The following ARHGEF10L variants were observed in gnomAD, a reference collection of about 807,000 sequenced individuals.
The protein encoded by ARHGEF10L is Rho guanine nucleotide exchange factor 10 like, also known as rho guanine nucleotide exchange factor 10-like protein.
ARHGEF10L carries 69 observed loss-of-function variants against 141.2 expected under a neutral mutation model. The observed-to-expected ratio is 0.49, with a 90% CI of 0.40 to 0.60. The LOEUF (loss-of-function observed/expected upper bound fraction) is 0.60. ARHGEF10L is among the 20% of genes least tolerant of loss of function. ARHGEF10L has a pLI of 0.00. For synonymous variants in ARHGEF10L, 711 were observed against 718.5 expected, an observed-to-expected ratio of 0.99 and a Z score of 0.17; for missense variants, 1,482 against 1,734.3, an observed-to-expected ratio of 0.85 and a Z score of 2.58.
chr1:17,622,058 G>A (rs1351750556), intron 11 of ARHGEF10L, 117 bp downstream of exon 11: 5 of 977,372 alleles, frequency 5.1e-6, no homozygotes, highest in African/African-American at 1.6e-5. Context: ...AGGACCATAA[G>A]CCAGCACTGC....
rs1321500818 is a variant in ARHGEF10L, at chr1:17,558,919, G to A, written c.-44+18969G>A. Among the ~76,000 whole-genome samples, 2 of 152,182 alleles carry A rather than the reference G, an allele frequency of 1.3e-5. No homozygotes were observed. Among genetic ancestry groups the A allele is most frequent in the African/African-American group, 4.8e-5 (2 of 41,436 alleles). On this transcript the variant is annotated intron_variant, in intron 1 of 28. Coordinates refer to ENST00000361221, the MANE Select transcript of ARHGEF10L (RefSeq NM_018125.4). The surrounding 1 kb of genome is among the most constrained non-coding windows in gnomAD (Gnocchi z 4.2). ...TGAGGGGCCCTTCCCCAGCTTCCTC[G>A]GCTTTCAGCTCTTTTCTTGTGTAGA... is the stretch of plus-strand genomic sequence containing the variant.
In ARHGEF10L at chr1:17,697,152, C is replaced by T. The variant is rs760004240; in HGVS notation, c.3612C>T (p.Ser1204=). The T allele has an allele frequency of 9.3e-6, 15 of 1,611,762 alleles. No individual in the cohort carries two copies. Among genetic ancestry groups the T allele is most frequent in the African/African-American group, 5.3e-5 (4 of 74,930 alleles). ...APADGAALEH[S]EEDGSIYEMA... is the part of the protein sequence containing the mutation. ...CTGATGGCGCAGCTTTGGAGCACAG[C>T]GAGGAGGACGGCTCCATTTACGAGA... is the stretch of plus-strand genomic sequence containing the variant. The change falls in exon 29 of 29, where the codon AGC becomes AGT. Residue 1204 remains serine, a synonymous_variant. Transcript: ENST00000361221. The surrounding 1 kb of genome is among the most constrained non-coding windows in gnomAD (Gnocchi z 4.8).
intron 4 of ARHGEF10L, among the ~76,000 whole-genome samples, chr1:17,593,712 T>C (rs1051160709): frequency 6.6e-5 from 10 of 152,096 alleles, no homozygotes; most frequent in Non-Finnish European, 1.3e-4. Context: ...AACCCCTTGA[T>C]GGCCTTCTGA....
intron 1 of ARHGEF10L, among the ~76,000 whole-genome samples, chr1:17,566,808 C>T (rs2077774732): frequency 6.6e-6 from 1 of 152,192 alleles, no homozygotes; most frequent in Non-Finnish European, 1.5e-5. Flanking sequence ...TCAGCAAACC[C>T]CATAACCTCG....
intron 26 of ARHGEF10L, among the ~76,000 whole-genome samples, chr1:17,671,871 C>T (rs979552143): frequency 2.7e-4 from 41 of 152,228 alleles, no homozygotes; most frequent in African/African-American, 8.2e-4. Flanking sequence ...CCAGGCCTGA[C>T]GCAGAGCAGG....
intron 26 of ARHGEF10L, among the ~76,000 whole-genome samples, chr1:17,670,092 C>T (rs770906368): frequency 1.3e-5 from 2 of 152,238 alleles, no homozygotes; most frequent in Admixed American, 6.5e-5. Context: ...AAGAAAGCAC[C>T]GCGAGCCACG....
rs765712620 is a variant in ARHGEF10L, at chr1:17,603,490, T to C, written c.350-18T>C. The C allele has an allele frequency of 6.2e-7, 1 of 1,609,860 alleles. No individual in the cohort carries two copies. The highest frequency in any genetic ancestry group is 1.1e-5 in the South Asian group (1 of 90,122). On this transcript the variant is annotated intron_variant, in intron 5 of 28. Transcript: ENST00000361221. This position sits in a 1 kb window ranked among gnomAD's most constrained non-coding sequence, Gnocchi z 4.8. ...CCACAGCCCACGGTGGTGCTCTCTC[T>C]CCCCACTTCCCTCCCAGTTGACCGG...
In ARHGEF10L at chr1:17,588,438, T is replaced by C. The variant is rs2079218105; in HGVS notation, c.224-8T>C. On this transcript the variant is annotated splice_region_variant and splice_polypyrimidine_tract_variant and intron_variant, in intron 3 of 28. Coordinates refer to ENST00000361221, the MANE Select transcript of ARHGEF10L (RefSeq NM_018125.4). ...CTGACAGGCTCTCTGTCTGCTCTTC[T>C]TTTGCAGACCCAGACCCAGCAGCTG... 2 of 1,613,792 alleles carry C rather than the reference T, an allele frequency of 1.2e-6. No homozygotes were observed. Among genetic ancestry groups the C allele is most frequent in the South Asian group, 1.1e-5 (1 of 91,064 alleles).
At chr1:17,660,036 T>C (rs1323086592) in intron 25 of ARHGEF10L, among the ~76,000 whole-genome samples, 1 of 152,236 alleles carries the variant, frequency 6.6e-6, no homozygotes. Flanking sequence ...CTGCTTGTTC[T>C]CATTCATTCA....
intron 26 of ARHGEF10L, among the ~76,000 whole-genome samples, chr1:17,683,763 C>G (rs1314950570): frequency 6.6e-6 from 1 of 152,220 alleles, no homozygotes; most frequent in Non-Finnish European, 1.5e-5. Flanking sequence ...TGGAGACAGA[C>G]TTGTTATGCC....
Position 17,656,128 on chromosome 1 carries a change from G to A in ARHGEF10L, c.2705+26G>A, listed in dbSNP as rs375718349. ...GTGAGGGGCCCGGAAGGAGGGGTGAGAGCAGCCTCTGCAGGGCTGGGCAGT... is the reference window on the plus strand; with the variant it reads ...GTGAGGGGCCCGGAAGGAGGGGTGAAAGCAGCCTCTGCAGGGCTGGGCAGT... On this transcript the variant is annotated intron_variant, in intron 24 of 28. Coordinates refer to ENST00000361221, the MANE Select transcript of ARHGEF10L (RefSeq NM_018125.4). This position sits in a 1 kb window ranked among gnomAD's most constrained non-coding sequence, Gnocchi z 4.9. 3 of 1,548,100 alleles carry A rather than the reference G, an allele frequency of 1.9e-6. No individual in the cohort carries two copies. Among genetic ancestry groups the A allele is most frequent in the Non-Finnish European group, 2.6e-6 (3 of 1,146,408 alleles).
At chr1:17,648,959 G>A (rs1175131203) in intron 22 of ARHGEF10L, among the ~76,000 whole-genome samples, 1 of 152,214 alleles carries the variant, frequency 6.6e-6, no homozygotes, top group African/African-American at 2.4e-5. Flanking sequence ...TGATGGCATG[G>A]CTCCAGATCA....
intron 1 of ARHGEF10L, among the ~76,000 whole-genome samples, chr1:17,552,571 G>GTTTTTTTTTTTTTTTT (rs34766409): frequency 2.2e-5 from 1 of 44,918 alleles, no homozygotes; most frequent in Non-Finnish European, 3.7e-5. Context: ...GCTAATTTTC[G>GTTTTTTTTTTTTTTTT]TTTTTTTTTT....
At chr1:17,691,295 C>T (rs548629700) in intron 27 of ARHGEF10L, 12 of 297,264 alleles carry the variant, frequency 4.0e-5, no homozygotes, top group Non-Finnish European at 7.1e-5. Context: ...TTGCTCTTTT[C>T]CTTGAGGTGG....
chr1:17,591,304 G>A (rs889479743), intron 4 of ARHGEF10L, among the ~76,000 whole-genome samples: 1 of 151,694 alleles, frequency 6.6e-6, no homozygotes, highest in Non-Finnish European at 1.5e-5. Flanking sequence ...GTGCAGTGGT[G>A]TGATCATGGC....
At chr1:17,570,863 G>T (rs1301526563) in intron 1 of ARHGEF10L, among the ~76,000 whole-genome samples, 1 of 152,136 alleles carries the variant, frequency 6.6e-6, no homozygotes, top group Non-Finnish European at 1.5e-5. Flanking sequence ...TGAGACAGAG[G>T]TGTCAAGGAT....
intron 1 of ARHGEF10L, among the ~76,000 whole-genome samples, chr1:17,571,515 G>T (rs2077999351): frequency 6.6e-6 from 1 of 152,058 alleles, no homozygotes; most frequent in Non-Finnish European, 1.5e-5. Context: ...GAGCAGTAAT[G>T]CAGCGTATTT....
At chr1:17,589,890 G>T (rs1384658015) in intron 4 of ARHGEF10L, among the ~76,000 whole-genome samples, 1 of 152,082 alleles carries the variant, frequency 6.6e-6, no homozygotes, top group Non-Finnish European at 1.5e-5. Context: ...AGGGGAGCAA[G>T]GATGGGGTCG....
chr1:17,527,592 G>A, the ARHGEF10L span, among the ~76,000 whole-genome samples: 3 of 152,106 alleles, frequency 2.0e-5, no homozygotes, highest in Admixed American at 6.5e-5. Flanking sequence ...TTCCCTGGTG[G>A]CTTCTGGGAA....
Sources: gnomAD v4.1 joint callset for allele counts (sites outside exome capture counted in the v4.1 genomes callset) on GRCh38, gnomAD v4.1.1 for gene constraint, Gnocchi (gnomAD v3.1) non-coding constraint, MANE v1.5 for transcripts, NCBI Gene and HGNC (gene_info 2026-07-23, HGNC 2026-07-21) for gene names.